Variants in LINGO2 observed in about 807,000 individuals in gnomAD.
The protein encoded by LINGO2 is leucine-rich repeat and immunoglobulin-like domain-containing nogo receptor-interacting protein 2.
In LINGO2, 14 loss-of-function variants were observed where a neutral mutation model predicts 30.6. The observed-to-expected ratio is 0.46, with a 90% CI of 0.30 to 0.72. LINGO2 has a LOEUF of 0.72. Ranked by LOEUF, LINGO2 falls within the 30% of genes least tolerant of loss-of-function variation. The probability of loss-of-function intolerance (pLI) is 0.07; values close to 1 mark genes in which losing one functional copy is unlikely to be tolerated. For missense variants in LINGO2, 729 were observed against 751.7 expected (o/e 0.97, Z 0.35); for synonymous variants, 317 against 288.5 (o/e 1.10, Z -1.00).
At chr9:28,035,267 G>A (rs1326025051) in intron 4 of LINGO2, among the ~76,000 whole-genome samples, 1 of 152,116 alleles carries the variant, frequency 6.6e-6, no homozygotes, top group Non-Finnish European at 1.5e-5. Context: ...ATTTGTATAG[G>A]CAAAATAGAT....
At chr9:28,972,496 GA>G in the LINGO2 span, among the ~76,000 whole-genome samples, 1 of 152,046 alleles carries the variant, frequency 6.6e-6, no homozygotes, top group South Asian at 2.1e-4. Flanking sequence ...TTCTGGAGCT[GA>G]AAAACAGTAT....
the LINGO2 span, among the ~76,000 whole-genome samples, chr9:29,133,657 T>A: frequency 6.6e-6 from 1 of 152,262 alleles, no homozygotes; most frequent in Middle Eastern, 3.4e-3. Context: ...AACTGACACA[T>A]TTATTTATTG....
chr9:28,449,313 A>G (rs931948397), intron 2 of LINGO2, among the ~76,000 whole-genome samples: 1 of 152,020 alleles, frequency 6.6e-6, no homozygotes, highest in African/African-American at 2.4e-5. Flanking sequence ...CTAATTTCTT[A>G]CTTCTTGCAT....
At position 28,602,263 on chromosome 9, in the gene LINGO2, G is replaced by A. The variant is rs1825517855; in HGVS notation, c.-365+67937C>T. Among the ~76,000 whole-genome samples, 4 of 152,034 alleles carry A rather than the reference G, an allele frequency of 2.6e-5. No homozygotes were observed. The South Asian group carries it at 8.3e-4, about 31-fold the overall frequency. ...TTGGCTTGGGGCCATGGGGAGGTTG[G>A]TGCAGGGGAATATACCCCATGTTGC... is the stretch of plus-strand genomic sequence containing the variant. On this transcript the variant is annotated intron_variant, in intron 1 of 5. Transcript: ENST00000379992.
At chr9:28,087,281 T>C (rs367924490) in intron 4 of LINGO2, among the ~76,000 whole-genome samples, 3 of 152,090 alleles carry the variant, frequency 2.0e-5, no homozygotes, top group East Asian at 3.9e-4. Context: ...TGAGGTTTTA[T>C]TGTAAATTAC....
intron 2 of LINGO2, among the ~76,000 whole-genome samples, chr9:28,455,600 G>C (rs192088811): frequency 4.5e-4 from 69 of 152,164 alleles, no homozygotes; most frequent in African/African-American, 1.6e-3. Context: ...TTTGAGAAGG[G>C]ACCACATGAA....
At chr9:29,084,290 C>G in the LINGO2 span, among the ~76,000 whole-genome samples, 1 of 151,976 alleles carries the variant, frequency 6.6e-6, no homozygotes, top group Non-Finnish European at 1.5e-5. Flanking sequence ...GTACTGTGAC[C>G]ATCAACCAAA....
intron 4 of LINGO2, among the ~76,000 whole-genome samples, chr9:28,026,038 C>T (rs1479998206): frequency 6.6e-6 from 1 of 152,174 alleles, no homozygotes; most frequent in Non-Finnish European, 1.5e-5. Context: ...CTCCTGTTGC[C>T]TTTACTTACT....
intron 1 of LINGO2, among the ~76,000 whole-genome samples, chr9:28,664,996 C>CATATATATATATATATATATAT (rs10527878): frequency 3.1e-5 from 3 of 96,236 alleles, no homozygotes; most frequent in African/African-American, 3.2e-5. Flanking sequence ...TATGTGTTTA[C>CATATATATATATATATATATAT]ATATATATAT....
chr9:28,651,792 A>G (rs1306767230), intron 1 of LINGO2, among the ~76,000 whole-genome samples: 1 of 152,110 alleles, frequency 6.6e-6, no homozygotes, highest in African/African-American at 2.4e-5. Context: ...CTTCCAATCT[A>G]TATTTATGAA....
At chr9:28,700,297 C>A in the LINGO2 span, among the ~76,000 whole-genome samples, 1 of 151,968 alleles carries the variant, frequency 6.6e-6, no homozygotes, top group African/African-American at 2.4e-5. Context: ...ATTCATTCAT[C>A]CAAATTTCTT....
chr9:28,168,557 C>T (rs1377046), intron 4 of LINGO2, among the ~76,000 whole-genome samples: 151,115 of 152,374 alleles, frequency 0.99, 74,951 homozygotes, highest in Middle Eastern at 1. Context: ...ATTTACATTG[C>T]TAATAGCCTG....
intron 1 of LINGO2, among the ~76,000 whole-genome samples, chr9:28,580,350 G>A (rs2135646591): frequency 6.6e-6 from 1 of 151,994 alleles, no homozygotes; most frequent in East Asian, 1.9e-4. Context: ...CATGAAACTG[G>A]CCCCAGCACA....
chr9:28,699,750 T>C, the LINGO2 span, among the ~76,000 whole-genome samples: 22 of 152,058 alleles, frequency 1.4e-4, no homozygotes, highest in Admixed American at 1.4e-3. Context: ...CGAATTGTAT[T>C]CCTGGGGGGA....
At chr9:28,381,913 C>A (rs1821374247) in intron 2 of LINGO2, among the ~76,000 whole-genome samples, 1 of 151,914 alleles carries the variant, frequency 6.6e-6, no homozygotes, top group Non-Finnish European at 1.5e-5. Context: ...TTTTCTTTTT[C>A]TTTTTATATA....
At chr9:28,051,261 T>C (rs1824658683) in intron 4 of LINGO2, among the ~76,000 whole-genome samples, 1 of 152,018 alleles carries the variant, frequency 6.6e-6, no homozygotes, top group Admixed American at 6.6e-5. Flanking sequence ...AGAAAGAATA[T>C]AGCTAGATAC....
the LINGO2 span, among the ~76,000 whole-genome samples, chr9:29,124,560 T>G: frequency 1.3e-5 from 2 of 152,016 alleles, no homozygotes; most frequent in Admixed American, 1.3e-4. Context: ...TTAAACAAAT[T>G]TATAAGAAAT....
At chr9:27,966,784 A>G (rs1820124234) in intron 5 of LINGO2, among the ~76,000 whole-genome samples, 1 of 152,156 alleles carries the variant, frequency 6.6e-6, no homozygotes, top group Admixed American at 6.6e-5. Flanking sequence ...TGGGTCAAAG[A>G]AAGTTTGGCT....
chr9:28,962,632 G>T, the LINGO2 span, among the ~76,000 whole-genome samples: 66 of 151,790 alleles, frequency 4.3e-4, 1 homozygote, highest in Non-Finnish European at 5.9e-4. Flanking sequence ...AACTGTAAAA[G>T]TTAAAGGATT....
Sources: allele counts gnomAD v4.1 joint callset (sites outside exome capture counted in the v4.1 genomes callset), GRCh38; gene constraint gnomAD v4.1.1; transcripts MANE v1.5; gene names NCBI Gene and HGNC (gene_info 2026-07-23, HGNC 2026-07-21).